Variants in ASTN1 observed in about 807,000 individuals in gnomAD.
ASTN1 encodes the protein astrotactin-1.
Under a neutral mutation model 140.7 loss-of-function variants are expected in ASTN1, and 41 were observed. The ratio of observed to expected loss-of-function variants is 0.29; its 90% CI spans 0.23 to 0.38. The LOEUF is 0.38. Ranked by LOEUF, ASTN1 falls within the 10% of genes least tolerant of loss-of-function variation. The probability of loss-of-function intolerance (pLI) is 1.00; values close to 1 mark genes in which losing one functional copy is unlikely to be tolerated. For synonymous variants in ASTN1, 640 were observed against 652.2 expected (o/e 0.98, Z 0.29); for missense variants, 1,479 against 1,678.8 (o/e 0.88, Z 2.08).
At chr1:176,898,296 G>A (rs1669613820) in intron 16 of ASTN1, among the ~76,000 whole-genome samples, 2 of 152,116 alleles carry the variant, frequency 1.3e-5, no homozygotes, top group Non-Finnish European at 1.5e-5. Context: ...AAAGAGCCCC[G>A]CCGGAGGCCA....
At chr1:177,139,935 T>C (rs953752160) in intron 1 of ASTN1, among the ~76,000 whole-genome samples, 3 of 152,214 alleles carry the variant, frequency 2.0e-5, no homozygotes, top group African/African-American at 7.2e-5. Context: ...ATATAGCTGA[T>C]AGATGTTTGC....
At chr1:177,010,373 G>A (rs1328133407) in intron 8 of ASTN1, among the ~76,000 whole-genome samples, 1 of 152,150 alleles carries the variant, frequency 6.6e-6, no homozygotes. Flanking sequence ...GTCCACCCTG[G>A]GTCCTGTGCC....
intron 8 of ASTN1, among the ~76,000 whole-genome samples, chr1:177,000,694 A>G (rs765257826): frequency 1.3e-5 from 2 of 152,234 alleles, no homozygotes; most frequent in Non-Finnish European, 2.9e-5. Context: ...CAAAGGACGG[A>G]GCTGACCAAA....
intron 2 of ASTN1, among the ~76,000 whole-genome samples, chr1:177,049,521 G>T (rs1677428971): frequency 6.6e-6 from 1 of 152,094 alleles, no homozygotes; most frequent in Non-Finnish European, 1.5e-5. Context: ...TCTCATTCCA[G>T]CCTCTCCTAT....
At chr1:176,928,150 G>T (rs1268778813) in intron 16 of ASTN1, among the ~76,000 whole-genome samples, 1 of 151,544 alleles carries the variant, frequency 6.6e-6, no homozygotes, top group African/African-American at 2.4e-5. Flanking sequence ...TTTACAGAAA[G>T]ACTAGACCCT....
chr1:176,966,477 T>C (rs2101852437), intron 8 of ASTN1, among the ~76,000 whole-genome samples: 1 of 152,198 alleles, frequency 6.6e-6, no homozygotes, highest in Non-Finnish European at 1.5e-5. Context: ...AAGACATTTA[T>C]TTAAGTTTTG....
intron 8 of ASTN1, among the ~76,000 whole-genome samples, chr1:176,974,881 G>A (rs1005204469): frequency 4.6e-5 from 7 of 152,022 alleles, no homozygotes; most frequent in South Asian, 2.1e-4. Context: ...CATCACACTC[G>A]GCCTTTTAGC....
At chr1:177,112,937 ATATTCACTG>A (rs1680893715) in intron 1 of ASTN1, among the ~76,000 whole-genome samples, 1 of 152,160 alleles carries the variant, frequency 6.6e-6, no homozygotes, top group Non-Finnish European at 1.5e-5. Context: ...GTTCTCTTTC[ATATTCACTG>A]TAAGGCAATC....
At chr1:176,943,786 C>CACT in intron 14 of ASTN1, 105 bp downstream of exon 14, 1 of 1,359,332 alleles carries the variant, frequency 7.4e-7, no homozygotes, top group Non-Finnish European at 9.7e-7. Context: ...TGAAGGAAAT[C>CACT]ACTGGCTTAG....
rs1239512808 is a variant in ASTN1 at position 176,863,623 on chromosome 1, G to A, written c.*661C>T. 1 of 985,436 alleles carries A rather than the reference G, an allele frequency of 1.0e-6. No homozygotes were observed. The highest frequency in any genetic ancestry group is 1.1e-4 in the East Asian group (1 of 8,820). The allele number at this position is 985,436 out of a possible 1,614,324, so 61.0% of individuals were successfully genotyped here. A position where few individuals can be genotyped will look rare whatever the true frequency, so the allele number is the denominator to read the frequency against. ...CAGAGGGAGATTTAATCCCAGTCCT[G>A]GCTTAAAATAAGGAAGGATCTCAAA... On this transcript the variant is annotated 3_prime_UTR_variant, in exon 23 of 23. Coordinates refer to ENST00000361833, the MANE Select transcript of ASTN1 (RefSeq NM_004319.3).
intron 1 of ASTN1, among the ~76,000 whole-genome samples, chr1:177,061,572 A>C (rs1678093396): frequency 6.6e-6 from 1 of 152,188 alleles, no homozygotes; most frequent in African/African-American, 2.4e-5. Flanking sequence ...TCTTTTACAC[A>C]GCTCAGTTTG....
In ASTN1 at chr1:177,049,685, G is replaced by A. The variant is rs1211429424; in HGVS notation, c.471+11393C>T. On this transcript the variant is annotated intron_variant, in intron 2 of 22. Coordinates refer to ENST00000361833, the MANE Select transcript of ASTN1 (RefSeq NM_004319.3). ...CTGCTTGCCTCATCAGCAAGCTTTC[G>A]TCACAAGTGAGAAGAAGAAGATGTA... Among the ~76,000 whole-genome samples, 7 of 152,162 alleles carry A rather than the reference G, an allele frequency of 4.6e-5. No homozygotes were observed. In the South Asian group the frequency reaches 6.2e-4, roughly 14 times the overall value.
chr1:177,109,745 A>T (rs1288513880), intron 1 of ASTN1, among the ~76,000 whole-genome samples: 1 of 152,230 alleles, frequency 6.6e-6, no homozygotes, highest in Non-Finnish European at 1.5e-5. Context: ...GAACTGTCCA[A>T]GTATGAGCAT....
At position 176,862,139 on chromosome 1, in the gene ASTN1, C is replaced by A; in HGVS notation, c.*2145G>T. ...CTCTGGCAATGGTGAAATATTTGCCCCTTGAGGCACTTTAACTGAGGCTCC... is the reference window on the plus strand; with the variant it reads ...CTCTGGCAATGGTGAAATATTTGCCACTTGAGGCACTTTAACTGAGGCTCC... On this transcript the variant is annotated 3_prime_UTR_variant, in exon 23 of 23. Transcript: ENST00000361833. 1.0e-6 allele frequency: 1 copy of A among 985,378 alleles called. No individual in the cohort carries two copies. The allele number at this position is 985,378 out of a possible 1,614,324, so 61.0% of individuals were successfully genotyped here. A position where few individuals can be genotyped will look rare whatever the true frequency, so the allele number is the denominator to read the frequency against.
chr1:177,094,019 A>G (rs1679902775), intron 1 of ASTN1, among the ~76,000 whole-genome samples: 1 of 152,190 alleles, frequency 6.6e-6, no homozygotes, highest in East Asian at 1.9e-4. Flanking sequence ...CCAAAATTTC[A>G]GGAACTTCCA....
At chr1:176,858,733 T>A (rs1302547403), downstream of ASTN1, among the ~76,000 whole-genome samples, 2 of 152,174 alleles carry the variant, frequency 1.3e-5, no homozygotes, top group Admixed American at 6.5e-5. Flanking sequence ...CCTAAAGGCA[T>A]TACTGGGTTT....
At position 176,944,030 on chromosome 1, in the gene ASTN1, G is replaced by A; in HGVS notation, c.2250-12C>T. On this transcript the variant is annotated splice_polypyrimidine_tract_variant and intron_variant, in intron 13 of 22. Transcript: ENST00000361833. ...CAAAGTTGTTTTGCCTAGAAAGAGG[G>A]TAGACCTTCATTTCTGAGTGTTCAG... 2 of 1,613,252 alleles carry A rather than the reference G, an allele frequency of 1.2e-6. No individual in the cohort carries two copies. Among genetic ancestry groups the A allele is most frequent in the Non-Finnish European group, 1.7e-6 (2 of 1,179,690 alleles).
chr1:177,066,517 C>T (rs1678364024), intron 1 of ASTN1, among the ~76,000 whole-genome samples: 1 of 152,158 alleles, frequency 6.6e-6, no homozygotes, highest in Non-Finnish European at 1.5e-5. Flanking sequence ...GATTAGGACA[C>T]TGGAAACTTT....
At position 176,864,179 on chromosome 1, in the gene ASTN1, G is replaced by A; in HGVS notation, c.*105C>T. On this transcript the variant is annotated 3_prime_UTR_variant, in exon 23 of 23. Coordinates refer to ENST00000361833, the MANE Select transcript of ASTN1 (RefSeq NM_004319.3). ...TCCCTGGTTTCGATGTTGCTGTGGA[G>A]GTTTTCATGTTCCATTAAAAAATAT... is the stretch of plus-strand genomic sequence containing the variant. 1.3e-6 allele frequency: 2 copies of A among 1,509,294 alleles called. No individual in the cohort carries two copies. Among genetic ancestry groups the A allele is most frequent in the Non-Finnish European group, 1.8e-6 (2 of 1,136,678 alleles). The allele number at this position is 1,509,294 out of a possible 1,614,324, so 93.5% of individuals were successfully genotyped here. A position where few individuals can be genotyped will look rare whatever the true frequency, so the allele number is the denominator to read the frequency against.
Sources: gnomAD v4.1 joint callset for allele counts (sites outside exome capture counted in the v4.1 genomes callset) on GRCh38, gnomAD v4.1.1 for gene constraint, MANE v1.5 for transcripts, NCBI Gene and HGNC (gene_info 2026-07-23, HGNC 2026-07-21) for gene names.